The following FBXO11 variants were observed in gnomAD, a reference collection of about 807,000 sequenced individuals.
FBXO11 encodes F-box only protein 11.
In FBXO11, 13 loss-of-function variants were observed where a neutral mutation model predicts 117.0. The observed-to-expected ratio is 0.11, with a 90% CI of 0.07 to 0.18. The LOEUF is 0.18. Ranked by LOEUF, FBXO11 falls within the 10% of genes least tolerant of loss-of-function variation. FBXO11 has a pLI of 1.00. For synonymous variants in FBXO11, 490 were observed against 380.5 expected, an observed-to-expected ratio of 1.29 and a Z score of -3.35; for missense variants, 767 against 1,164.4, an observed-to-expected ratio of 0.66 and a Z score of 4.97.
rs56764393 is a variant in FBXO11 at position 47,857,948 on chromosome 2, T to TACAC, written c.233-18183_233-18180dup. Among the ~76,000 whole-genome samples, 4 of 151,958 alleles carry TACAC rather than the reference T, an allele frequency of 2.6e-5. No individual in the cohort carries two copies. The East Asian group carries it at 5.8e-4, about 22-fold the overall frequency. On this transcript the variant is annotated intron_variant, in intron 1 of 22. Coordinates refer to ENST00000403359, the MANE Select transcript of FBXO11 (RefSeq NM_001190274.2). Reference sequence around the variant, plus strand: ...CTTTATATGGGCAAATATATATATATACACACACACATACATATATTTCAA... The same window carrying TACAC: ...CTTTATATGGGCAAATATATATATATACACACACACACACATACATATATTTCAA...
At position 47,863,178 on chromosome 2, in the gene FBXO11, C is replaced by G. The variant is rs573225751; in HGVS notation, c.233-23409G>C. 2.0e-5 allele frequency among the ~76,000 whole-genome samples: 3 copies of G among 151,154 alleles called. No homozygotes were observed. In the South Asian group the frequency reaches 6.3e-4, roughly 32 times the overall value. The stretch of plus-strand genomic sequence containing the variant: ...ATCTATTTCAATATAGAAAATAAAA[C>G]CAAAACATTGTTGTTAGGTTAGCTC... On this transcript the variant is annotated intron_variant, in intron 1 of 22. Transcript: ENST00000403359.
chr2:47,847,285 T>C (rs1454995759), intron 1 of FBXO11, among the ~76,000 whole-genome samples: 2 of 152,074 alleles, frequency 1.3e-5, no homozygotes, highest in Non-Finnish European at 2.9e-5. Context: ...TAGGCTATAA[T>C]GGTATAGCCT....
intron 1 of FBXO11, among the ~76,000 whole-genome samples, chr2:47,896,781 G>C (rs1479205566): frequency 6.6e-6 from 1 of 152,148 alleles, no homozygotes. Context: ...GTAGTATAGT[G>C]GCTACTTTTA....
intron 1 of FBXO11, among the ~76,000 whole-genome samples, chr2:47,898,213 G>A (rs1484814135): frequency 6.6e-6 from 1 of 152,180 alleles, no homozygotes; most frequent in Non-Finnish European, 1.5e-5. Flanking sequence ...ATTTTCAAAG[G>A]AAAATAAACA....
intron 1 of FBXO11, among the ~76,000 whole-genome samples, chr2:47,898,578 C>A (rs1677851638): frequency 6.6e-6 from 1 of 152,158 alleles, no homozygotes; most frequent in Non-Finnish European, 1.5e-5. Flanking sequence ...GCTTAATGAT[C>A]TCATCAACAC....
chr2:47,809,638 C>G lies in FBXO11; in HGVS notation c.2408G>C (p.Gly803Ala). The stretch of plus-strand genomic sequence containing the variant: ...ATTAACACCAGATGCTAAAAATAAG[C>G]CTCCAAACCGGTTGTTAAAAATCTG... ...GNQIFNNRFGGLFLASGVNVT... is the reference protein window; with the variant it reads ...GNQIFNNRFGALFLASGVNVT... Residue 803 changes from glycine (G) to alanine (A), a missense_variant, in exon 20 of 23, where the codon GGC (glycine) becomes GCC (alanine). By Grantham distance (60) the Gly-to-Ala change is moderately conservative. Around this residue, in one of 10 missense-constraint regions of FBXO11, gnomAD observed 66 missense variants for 82.7 expected, o/e 0.80. Transcript: ENST00000403359. 6.2e-7 allele frequency: 1 copy of G among 1,613,488 alleles called. No individual in the cohort carries two copies. The highest frequency in any genetic ancestry group is 1.1e-5 in the South Asian group (1 of 91,056).
chr2:47,839,397 G>T (rs781567723), intron 3 of FBXO11, 22 bp downstream of exon 3: 2 of 1,589,426 alleles, frequency 1.3e-6, no homozygotes, highest in Admixed American at 3.7e-5. Context: ...TACCCTATTT[G>T]TTACTTTCCC....
intron 1 of FBXO11, among the ~76,000 whole-genome samples, chr2:47,864,660 T>C (rs1675060407): frequency 6.6e-6 from 1 of 152,128 alleles, no homozygotes; most frequent in Admixed American, 6.6e-5. Context: ...AATAAATTAT[T>C]TATGTTATAA....
At chr2:47,821,614 GAAA>G (rs1287814389) in intron 13 of FBXO11, among the ~76,000 whole-genome samples, 1 of 109,010 alleles carries the variant, frequency 9.2e-6, no homozygotes, top group Non-Finnish European at 2.0e-5. Context: ...CGTCTCAAAA[GAAA>G]AAAAAAAAAA....
chr2:47,833,102 T>C (rs2104812392), intron 7 of FBXO11, 32 bp from the exon 8 acceptor site: 1 of 1,438,856 alleles, frequency 6.9e-7, no homozygotes, highest in Non-Finnish European at 9.8e-7. Flanking sequence ...GAATATTACC[T>C]TTATTCGATT....
chr2:47,884,870 T>C (rs1250460007), intron 1 of FBXO11, among the ~76,000 whole-genome samples: 1 of 150,590 alleles, frequency 6.6e-6, no homozygotes, highest in South Asian at 2.1e-4. Context: ...AACAGAAGTT[T>C]ACTGTAAAAC....
rs548530614 is a variant in FBXO11, at chr2:47,836,112, A to T, written c.588-111T>A. The stretch of plus-strand genomic sequence containing the variant: ...GCCTCAAAAACTTGAGTAAGAAAGT[A>T]AGAATAGACAAAAATGAATATTAAA... On this transcript the variant is annotated intron_variant, in intron 4 of 22. Transcript: ENST00000403359. 81 of 651,044 alleles carry T rather than the reference A, an allele frequency of 1.2e-4. No individual in the cohort carries two copies. In the East Asian group the frequency reaches 2.2e-3, roughly 18 times the overall value. The allele number at this position is 651,044 out of a possible 1,614,324, so 40.3% of individuals were successfully genotyped here.
chr2:47,893,343 T>C (rs976163488), intron 1 of FBXO11, among the ~76,000 whole-genome samples: 3 of 149,096 alleles, frequency 2.0e-5, no homozygotes, highest in African/African-American at 4.9e-5. Context: ...ATAAATCACA[T>C]GTGTATGTGC....
intron 1 of FBXO11, among the ~76,000 whole-genome samples, chr2:47,854,085 T>C (rs895315927): frequency 3.3e-5 from 5 of 152,352 alleles, no homozygotes; most frequent in South Asian, 2.1e-4. Flanking sequence ...TTTCAAAGTA[T>C]GTATCACATT....
At chr2:47,842,076 C>T (rs1009945158) in intron 1 of FBXO11, among the ~76,000 whole-genome samples, 5 of 150,988 alleles carry the variant, frequency 3.3e-5, no homozygotes, top group South Asian at 4.2e-4. Flanking sequence ...AGTGCAGTTG[C>T]GCGATCTCGG....
intron 11 of FBXO11, among the ~76,000 whole-genome samples, chr2:47,827,120 G>A (rs1558418011): frequency 6.6e-6 from 1 of 152,080 alleles, no homozygotes; most frequent in African/African-American, 2.4e-5. Flanking sequence ...TAACTTTCAA[G>A]AAAATAAAGC....
At chr2:47,900,916 A>ATATACACACATATATATG (rs1300834205) in intron 1 of FBXO11, among the ~76,000 whole-genome samples, 28 of 145,460 alleles carry the variant, frequency 1.9e-4, no homozygotes, top group South Asian at 4.2e-4. Context: ...ATATATGTAT[A>ATATACACACATATATATG]TATATACACG....
At chr2:47,861,532 G>A (rs897265617) in intron 1 of FBXO11, among the ~76,000 whole-genome samples, 12 of 151,958 alleles carry the variant, frequency 7.9e-5, no homozygotes, top group African/African-American at 2.9e-4. Flanking sequence ...GTATTGCCCT[G>A]ACTGGTCTTG....
intron 1 of FBXO11, among the ~76,000 whole-genome samples, chr2:47,901,809 C>T (rs1678322258): frequency 6.6e-6 from 1 of 152,144 alleles, no homozygotes; most frequent in African/African-American, 2.4e-5. Flanking sequence ...ACAATAAATT[C>T]ATCAGAACGG....
Sources: allele counts gnomAD v4.1 joint callset (sites outside exome capture counted in the v4.1 genomes callset), GRCh38; gene constraint gnomAD v4.1.1; regional missense constraint gnomAD v4.1.1; transcripts MANE v1.5; gene names NCBI Gene and HGNC (gene_info 2026-07-23, HGNC 2026-07-21).